Variants in ZNF2 observed in about 807,000 individuals in gnomAD.
ZNF2 encodes the protein zinc finger protein 2, also known as zinc finger protein 2.2.
A neutral mutation model predicts 21.9 loss-of-function variants in ZNF2; 12 were observed. That is an observed-to-expected ratio of 0.55 (90% CI 0.35 to 0.89). The LOEUF is 0.89. Ranked by LOEUF, ZNF2 falls within the 40% of genes least tolerant of loss-of-function variation. ZNF2 has a pLI of 0.01. For missense variants in ZNF2, 462 were observed against 544.2 expected (o/e 0.85, Z 1.50); for synonymous variants, 186 against 196.3 (o/e 0.95, Z 0.44).
chr2:95,172,108 GTC>G (rs1359711806), intron 1 of ZNF2, among the ~76,000 whole-genome samples: 1 of 152,310 alleles, frequency 6.6e-6, no homozygotes, highest in South Asian at 2.1e-4. Flanking sequence ...CAAGTGTGAT[GTC>G]TCTGCTCAAG....
At chr2:95,176,539 G>A (rs532298158) in intron 2 of ZNF2, among the ~76,000 whole-genome samples, 62 of 152,314 alleles carry the variant, frequency 4.1e-4, no homozygotes, top group African/African-American at 1.4e-3. Flanking sequence ...TGGAAGGTTT[G>A]GGGAATAGTG....
At chr2:95,175,658 CAT>C (rs1217639082) in intron 1 of ZNF2, among the ~76,000 whole-genome samples, 1 of 152,192 alleles carries the variant, frequency 6.6e-6, no homozygotes, top group East Asian at 1.9e-4. Context: ...ATCTACTAGT[CAT>C]GTGTGCATTA....
At position 95,183,376 on chromosome 2, in the gene ZNF2, AC is replaced by A. The variant is rs1674747109; in HGVS notation, c.*1272del. ...CTAGAAGCTAGGAAAGTAAACAAGCACCTCGAAAGTTGGTTAATACCAAGAA... is the reference window on the plus strand; with the variant it reads ...CTAGAAGCTAGGAAAGTAAACAAGCACTCGAAAGTTGGTTAATACCAAGAA... On this transcript the variant is annotated 3_prime_UTR_variant, in exon 5 of 5. Transcript: ENST00000614034. The A allele has an allele frequency of 6.6e-6, 1 of 152,162 alleles. No homozygotes were observed. The highest frequency in any genetic ancestry group is 1.5e-5 in the Non-Finnish European group (1 of 68,062). The allele number at this position is 152,162 out of a possible 1,614,324, so 9.4% of individuals were successfully genotyped here. A position where few individuals can be genotyped will look rare whatever the true frequency, so the allele number is the denominator to read the frequency against.
intron 1 of ZNF2, among the ~76,000 whole-genome samples, chr2:95,175,008 G>A (rs1674393112): frequency 6.6e-6 from 1 of 152,124 alleles, no homozygotes; most frequent in African/African-American, 2.4e-5. Flanking sequence ...TCCCAGAAAT[G>A]TGGGATTTAA....
chr2:95,174,972 C>T (rs1302550634), intron 1 of ZNF2, among the ~76,000 whole-genome samples: 1 of 152,188 alleles, frequency 6.6e-6, no homozygotes, highest in Non-Finnish European at 1.5e-5. Context: ...CTCACCAGGA[C>T]CACACCATCT....
At position 95,181,919 on chromosome 2, in the gene ZNF2, C is replaced by A. The variant is rs545220328; in HGVS notation, c.1091C>A (p.Thr364Asn). 24 of 1,614,164 alleles carry A rather than the reference C, an allele frequency of 1.5e-5. No individual in the cohort carries two copies. Among genetic ancestry groups the A allele is most frequent in the Non-Finnish European group, 2.0e-5 (24 of 1,180,066 alleles). The stretch of plus-strand genomic sequence containing the variant: ...CTTACACAGCATCAGAAGATCCACA[C>A]TGGAGACAAGCCATATGAATGCAGC... Reference protein sequence around the residue: ...SSLTQHQKIHTGDKPYECSEC... With the variant: ...SSLTQHQKIHNGDKPYECSEC... The change falls in exon 5 of 5, where the codon ACT (threonine) becomes AAT (asparagine). Residue 364 changes from threonine (T) to asparagine (N), a missense_variant. Transcript: ENST00000614034.
At chr2:95,172,146 A>T (rs1674294843) in intron 1 of ZNF2, among the ~76,000 whole-genome samples, 1 of 152,224 alleles carries the variant, frequency 6.6e-6, no homozygotes, top group African/African-American at 2.4e-5. Flanking sequence ...CTCAGAGCCC[A>T]TGTTTTTTAT....
intron 1 of ZNF2, among the ~76,000 whole-genome samples, chr2:95,169,247 A>G (rs1457026928): frequency 2.0e-5 from 3 of 152,200 alleles, no homozygotes; most frequent in Non-Finnish European, 2.9e-5. Context: ...GTTCACCACC[A>G]TTTGTAATTC....
Position 95,181,699 on chromosome 2 carries a change from G to C in ZNF2, c.871G>C (p.Gly291Arg), listed in dbSNP as rs1280505224. The C allele has an allele frequency of 1.2e-6, 2 of 1,614,106 alleles. No individual in the cohort carries two copies. The highest frequency in any genetic ancestry group is 1.7e-6 in the Non-Finnish European group (2 of 1,180,058). ...GESPYECHQC[G>R]KAFSQKSILT... ...AAGTCCTTATGAATGTCATCAGTGT[G>C]GGAAAGCCTTTAGCCAGAAAAGTAT... Residue 291 changes from glycine (G) to arginine (R), a missense_variant, in exon 5 of 5, where the codon GGG becomes CGG. By Grantham distance (125) the Gly-to-Arg change is moderately radical. Transcript: ENST00000614034.
Position 95,182,587 on chromosome 2 carries a change from G to T in ZNF2, c.*481G>T. 1 of 157,452 alleles carries T rather than the reference G, an allele frequency of 6.4e-6. No individual in the cohort carries two copies. Among genetic ancestry groups the T allele is most frequent in the Non-Finnish European group, 1.4e-5 (1 of 71,018 alleles). 9.8% of individuals were successfully genotyped at this position (157,452 alleles called of 1,614,324 possible). On this transcript the variant is annotated 3_prime_UTR_variant, in exon 5 of 5. Transcript: ENST00000614034. ...CTCTTACTTCCACTGCTAGTAGCTA[G>T]CACTTACTGAGCACCTGCGATGAGG...
intron 3 of ZNF2, 47 bp from the exon 4 acceptor site, chr2:95,180,112 T>C (rs2104508651): frequency 7.4e-7 from 1 of 1,357,998 alleles, no homozygotes; most frequent in South Asian, 1.2e-5. Context: ...AGTGATATTA[T>C]TTTCATCACA....
At chr2:95,179,287 C>A (rs1209344552) in intron 3 of ZNF2, among the ~76,000 whole-genome samples, 3 of 152,104 alleles carry the variant, frequency 2.0e-5, no homozygotes, top group Non-Finnish European at 4.4e-5. Context: ...CCACTGTGCC[C>A]AGCCTCATTA....
At chr2:95,178,244 C>T (rs547960080) in intron 3 of ZNF2, among the ~76,000 whole-genome samples, 28 of 152,248 alleles carry the variant, frequency 1.8e-4, no homozygotes, top group African/African-American at 6.5e-4. Context: ...TTATGAGAAC[C>T]TTTCAGGAGC....
chr2:95,182,451 C>A lies in ZNF2; in HGVS notation c.*345C>A. On this transcript the variant is annotated 3_prime_UTR_variant, in exon 5 of 5. Coordinates refer to ENST00000614034, the MANE Select transcript of ZNF2 (RefSeq NM_021088.4). ...AGGAGGGAAAGGCAGAATGATATCA[C>A]AGCAGTACTATTTTTTTTTTTCAGA... 4.9e-6 allele frequency: 1 copy of A among 204,960 alleles called. No individual in the cohort carries two copies. Among genetic ancestry groups the A allele is most frequent in the South Asian group, 1.4e-4 (1 of 7,348 alleles). 12.7% of individuals were successfully genotyped at this position (204,960 alleles called of 1,614,324 possible).
At chr2:95,180,840 T>C (rs1422533285) in intron 4 of ZNF2, among the ~76,000 whole-genome samples, 2 of 152,130 alleles carry the variant, frequency 1.3e-5, no homozygotes, top group Non-Finnish European at 2.9e-5. Flanking sequence ...AGTGCCATCC[T>C]GTCTATTCGG....
At chr2:95,178,355 G>A (rs1294742543) in intron 3 of ZNF2, among the ~76,000 whole-genome samples, 1 of 152,144 alleles carries the variant, frequency 6.6e-6, no homozygotes, top group Non-Finnish European at 1.5e-5. Flanking sequence ...TACGAGGCAG[G>A]TCAAAAAGTA....
chr2:95,178,219 T>C (rs990105709), intron 3 of ZNF2, among the ~76,000 whole-genome samples: 15 of 152,284 alleles, frequency 9.9e-5, no homozygotes, highest in African/African-American at 2.9e-4. Context: ...AAAAGTAAAG[T>C]TGGGCTCCTG....
At position 95,181,526 on chromosome 2, in the gene ZNF2, T is replaced by C. The variant is rs1462232159; in HGVS notation, c.698T>C (p.Val233Ala). Residue 233 changes from valine (V) to alanine (A), a missense_variant, in exon 5 of 5, where the codon GTG becomes GCG. Coordinates refer to ENST00000614034, the MANE Select transcript of ZNF2 (RefSeq NM_021088.4). ...GGGGAGAGCCCCTACGAGTGCAGTG[T>C]GTGCTCAAAAGCCTTCTTTGACCGT... ...HTGESPYECSVCSKAFFDRSS... is the reference protein window; with the variant it reads ...HTGESPYECSACSKAFFDRSS... 9.3e-6 allele frequency: 15 copies of C among 1,614,046 alleles called. No homozygotes were observed. Among genetic ancestry groups the C allele is most frequent in the Non-Finnish European group, 1.3e-5 (15 of 1,180,038 alleles).
chr2:95,170,420 C>T (rs1335849769), intron 1 of ZNF2, among the ~76,000 whole-genome samples: 1 of 152,080 alleles, frequency 6.6e-6, no homozygotes, highest in East Asian at 1.9e-4. Flanking sequence ...AGGTAATATT[C>T]TTTTAAAATT....
Sources: allele counts gnomAD v4.1 joint callset (sites outside exome capture counted in the v4.1 genomes callset), GRCh38; gene constraint gnomAD v4.1.1; transcripts MANE v1.5; gene names NCBI Gene and HGNC (gene_info 2026-07-23, HGNC 2026-07-21).